Variants in PAWR observed in about 807,000 individuals in gnomAD.
PAWR encodes PRKC apoptosis WT1 regulator protein.
A neutral mutation model predicts 32.0 loss-of-function variants in PAWR; 23 were observed. That is an observed-to-expected ratio of 0.72 (90% CI 0.52 to 1.02). The LOEUF (loss-of-function observed/expected upper bound fraction) is 1.02. Among genes scored for constraint, PAWR ranks in the 50% least tolerant of loss-of-function variants. The pLI, the probability that PAWR is intolerant of heterozygous loss-of-function variation, is 0.00. For synonymous variants in PAWR, 226 were observed against 187.1 expected, an observed-to-expected ratio of 1.21 and a Z score of -1.70; for missense variants, 457 against 437.7, an observed-to-expected ratio of 1.04 and a Z score of -0.39.
intron 3 of PAWR, among the ~76,000 whole-genome samples, chr12:79,616,771 A>G (rs1874758557): frequency 6.6e-6 from 1 of 152,118 alleles, no homozygotes; most frequent in African/African-American, 2.4e-5. Flanking sequence ...TAAGTTTTAC[A>G]CAGTATTTTC....
At chr12:79,683,865 C>T (rs1014315708) in intron 2 of PAWR, among the ~76,000 whole-genome samples, 2 of 152,012 alleles carry the variant, frequency 1.3e-5, no homozygotes, top group Non-Finnish European at 2.9e-5. Flanking sequence ...GTAGTAGGTG[C>T]CCAAGTTTTA....
At chr12:79,656,511 TA>T (rs1877101779) in intron 2 of PAWR, among the ~76,000 whole-genome samples, 1 of 152,082 alleles carries the variant, frequency 6.6e-6, no homozygotes, top group South Asian at 2.1e-4. Flanking sequence ...TTGGAAAAAC[TA>T]GGTAGATGGT....
chr12:79,648,793 G>GGAAAAA (rs1555176091), intron 2 of PAWR, among the ~76,000 whole-genome samples: 77 of 120,388 alleles, frequency 6.4e-4, no homozygotes, highest in African/African-American at 3.6e-3. Context: ...ACAGGGGCTA[G>GGAAAAA]AAAAAAAAAA....
At chr12:79,610,081 T>G (rs1441715875) in intron 4 of PAWR, among the ~76,000 whole-genome samples, 1 of 152,148 alleles carries the variant, frequency 6.6e-6, no homozygotes, top group Non-Finnish European at 1.5e-5. Context: ...AATTTGCCCC[T>G]GCCACACCAA....
chr12:79,624,390 T>C (rs1006573235), intron 2 of PAWR, among the ~76,000 whole-genome samples: 8 of 152,118 alleles, frequency 5.3e-5, no homozygotes, highest in African/African-American at 1.9e-4. Flanking sequence ...GTTACCAAGA[T>C]GAGACAAATC....
At chr12:79,643,856 ATGTT>A (rs1213171169) in intron 2 of PAWR, among the ~76,000 whole-genome samples, 1 of 152,204 alleles carries the variant, frequency 6.6e-6, no homozygotes, top group Non-Finnish European at 1.5e-5. Context: ...TAATATGTAA[ATGTT>A]TGGTTAGAAT....
intron 3 of PAWR, among the ~76,000 whole-genome samples, chr12:79,620,536 G>C (rs1874952278): frequency 6.6e-6 from 1 of 152,188 alleles, no homozygotes; most frequent in South Asian, 2.1e-4. Context: ...GGCCTCATTT[G>C]TGAGGCAAGG....
rs1183088095 is a variant in PAWR at position 79,632,288 on chromosome 12, AATATATACATATATATATACATAC to A, written c.517-11105_517-11082del. ...GAATGCACTAGAGTCCAGAAATAGA[AATATATACATATATATATACATAC>A]ATATATATATATATATATATATATA... On this transcript the variant is annotated intron_variant, in intron 2 of 6. Coordinates refer to ENST00000328827, the MANE Select transcript of PAWR (RefSeq NM_002583.4). 3.3e-3 allele frequency: 293 copies of A among 88,834 alleles called. 35 individuals carry two copies. The highest frequency in any genetic ancestry group is 0.02 in the African/African-American group (204 of 10,092). The allele number at this position is 88,834 out of a possible 1,614,324, so 5.5% of individuals were successfully genotyped here. A position where few individuals can be genotyped will look rare whatever the true frequency, so the allele number is the denominator to read the frequency against.
intron 2 of PAWR, among the ~76,000 whole-genome samples, chr12:79,634,700 A>G (rs901589975): frequency 6.6e-5 from 10 of 152,260 alleles, no homozygotes; most frequent in South Asian, 4.1e-4. Flanking sequence ...GCACTTTTCC[A>G]AACTTTTGTT....
At chr12:79,618,546 A>G (rs1874854949) in intron 3 of PAWR, among the ~76,000 whole-genome samples, 1 of 152,146 alleles carries the variant, frequency 6.6e-6, no homozygotes, top group African/African-American at 2.4e-5. Flanking sequence ...CCTCCTATCT[A>G]ACTGTAACTT....
intron 3 of PAWR, among the ~76,000 whole-genome samples, chr12:79,615,505 T>A (rs368483059): frequency 6.6e-6 from 1 of 152,118 alleles, no homozygotes; most frequent in African/African-American, 2.4e-5. Context: ...TGACAGGTGA[T>A]ACAAAGACAT....
At chr12:79,599,818 T>C (rs1462825465) in intron 4 of PAWR, among the ~76,000 whole-genome samples, 1 of 152,202 alleles carries the variant, frequency 6.6e-6, no homozygotes, top group Non-Finnish European at 1.5e-5. Context: ...ACATGTTTTG[T>C]CTTGTCATTT....
At chr12:79,676,979 C>T (rs963827035) in intron 2 of PAWR, among the ~76,000 whole-genome samples, 4 of 152,258 alleles carry the variant, frequency 2.6e-5, no homozygotes, top group South Asian at 2.1e-4. Context: ...TTTTATTATA[C>T]TCATTTTTTA....
chr12:79,678,114 TCTA>T (rs1282546498), intron 2 of PAWR, among the ~76,000 whole-genome samples: 1 of 152,232 alleles, frequency 6.6e-6, no homozygotes, highest in Non-Finnish European at 1.5e-5. Context: ...TTTGATTTAT[TCTA>T]CTATATGTTA....
chr12:79,587,483 T>C lies in PAWR; in HGVS notation c.*5124A>G, dbSNP rs1232916566. The C allele has an allele frequency of 2.0e-5, 3 of 152,082 alleles. No individual in the cohort carries two copies. The highest frequency in any genetic ancestry group is 4.4e-5 in the Non-Finnish European group (3 of 67,916). The allele number at this position is 152,082 out of a possible 1,614,324, so 9.4% of individuals were successfully genotyped here. On this transcript the variant is annotated 3_prime_UTR_variant, in exon 7 of 7. Transcript: ENST00000328827. ...GATTTAGTTTATAAGAGTTCTGATT[T>C]TGAATCAAGAAATTATTCATGTAGT...
At chr12:79,630,340 C>T (rs1875554855) in intron 2 of PAWR, among the ~76,000 whole-genome samples, 1 of 151,934 alleles carries the variant, frequency 6.6e-6, no homozygotes, top group Non-Finnish European at 1.5e-5. Context: ...GTCTCAGTCA[C>T]CCAGGCTGGA....
At chr12:79,665,733 A>G (rs1877570243) in intron 2 of PAWR, among the ~76,000 whole-genome samples, 1 of 152,172 alleles carries the variant, frequency 6.6e-6, no homozygotes, top group African/African-American at 2.4e-5. Context: ...TCTGGGTTGT[A>G]TCATTTATGA....
chr12:79,610,952 C>CA (rs892883269), intron 4 of PAWR, among the ~76,000 whole-genome samples: 2 of 151,184 alleles, frequency 1.3e-5, no homozygotes, highest in African/African-American at 4.8e-5. Context: ...CCACGAAAGT[C>CA]AATTCAAGTT....
intron 4 of PAWR, 63 bp downstream of exon 4, chr12:79,613,512 A>G (rs1874533045): frequency 2.4e-6 from 2 of 841,762 alleles, no homozygotes; most frequent in African/African-American, 1.7e-5. Context: ...GTTCTAGTTA[A>G]GTCAATGTCA....
Sources: allele counts gnomAD v4.1 joint callset (sites outside exome capture counted in the v4.1 genomes callset), GRCh38; gene constraint gnomAD v4.1.1; transcripts MANE v1.5; gene names NCBI Gene and HGNC (gene_info 2026-07-23, HGNC 2026-07-21).